The following CFAP57 variants were observed in gnomAD, a reference collection of about 807,000 sequenced individuals.
CFAP57 encodes the protein cilia- and flagella-associated protein 57.
Under a neutral mutation model 146.8 loss-of-function variants are expected in CFAP57, and 116 were observed. That is an observed-to-expected ratio of 0.79 (90% CI 0.68 to 0.92). The LOEUF is 0.92. Among genes scored for constraint, CFAP57 ranks in the 40% least tolerant of loss-of-function variants. The pLI, the probability that CFAP57 is intolerant of heterozygous loss-of-function variation, is 0.00. For synonymous variants in CFAP57, 518 were observed against 552.8 expected, an observed-to-expected ratio of 0.94 and a Z score of 0.88; for missense variants, 1,377 against 1,527.2, an observed-to-expected ratio of 0.90 and a Z score of 1.64.
At chr1:43,249,421 C>CTTTTTT (rs60189164) in intron 22 of CFAP57, among the ~76,000 whole-genome samples, 11 of 67,924 alleles carry the variant, frequency 1.6e-4, no homozygotes, top group Admixed American at 1.7e-4. Context: ...TTAACCATTT[C>CTTTTTT]TTTTTTTTTT....
intron 2 of CFAP57, among the ~76,000 whole-genome samples, chr1:43,176,428 T>C (rs1323191058): frequency 1.3e-5 from 2 of 152,162 alleles, no homozygotes; most frequent in Non-Finnish European, 2.9e-5. Flanking sequence ...GGTCATGACA[T>C]TGGGAGACCT....
At chr1:43,197,508 C>G in intron 6 of CFAP57, 45 bp from the exon 7 acceptor site, 1 of 1,614,096 alleles carries the variant, frequency 6.2e-7, no homozygotes, top group Non-Finnish European at 8.5e-7. Context: ...GTACAGCCAG[C>G]CTTTTGCTTA....
chr1:43,191,420 T>C (rs538356906), intron 6 of CFAP57, among the ~76,000 whole-genome samples: 1 of 152,114 alleles, frequency 6.6e-6, no homozygotes, highest in East Asian at 1.9e-4. Context: ...ACCCCGTCTC[T>C]ACTAAAAATA....
At position 43,172,381 on chromosome 1, in the gene CFAP57, G is replaced by A; in HGVS notation, c.-92G>A. 2 of 1,551,554 alleles carry A rather than the reference G, an allele frequency of 1.3e-6. No homozygotes were observed. Among genetic ancestry groups the A allele is most frequent in the African/African-American group, 1.4e-5 (1 of 73,088 alleles). ...ACCGCTACGGCGTTTGAAAGTGTCC[G>A]GGTTGCTTAGGATCCCTACAGGTAG... On this transcript the variant is annotated 5_prime_UTR_variant, in exon 1 of 23. Coordinates refer to ENST00000372492, the MANE Select transcript of CFAP57 (RefSeq NM_001378189.1).
At chr1:43,202,906 G>A (rs1398209851) in intron 9 of CFAP57, among the ~76,000 whole-genome samples, 1 of 151,946 alleles carries the variant, frequency 6.6e-6, no homozygotes, top group African/African-American at 2.4e-5. Context: ...GGGCGCAGTG[G>A]CTCACACCTG....
rs1055298503 is a variant in CFAP57 at position 43,178,102 on chromosome 1, C to T, written c.158-3432C>T. 5.9e-5 allele frequency among the ~76,000 whole-genome samples: 9 copies of T among 152,090 alleles called. No individual in the cohort carries two copies. The East Asian group carries it at 7.7e-4, about 13-fold the overall frequency. ...CTAGCCATATGTAGAAAGCTGAAAC[C>T]GGATCCCTTCCTTACACCTTATACA... On this transcript the variant is annotated intron_variant, in intron 2 of 22. Transcript: ENST00000372492.
At chr1:43,192,429 C>T (rs899814106) in intron 6 of CFAP57, among the ~76,000 whole-genome samples, 9 of 152,228 alleles carry the variant, frequency 5.9e-5, no homozygotes, top group African/African-American at 1.7e-4. Flanking sequence ...CATGACCAGC[C>T]TGATCAACAT....
rs760775161 is a variant in CFAP57, at chr1:43,219,538, G to T, written c.2247+1G>T. On this transcript the variant is annotated splice_donor_variant, in intron 13 of 22. Coordinates refer to ENST00000372492, the MANE Select transcript of CFAP57 (RefSeq NM_001378189.1). LOFTEE classifies it high-confidence loss of function. ...GGAGTCCTTGAAAACAAAAAACCAG[G>T]TCTGTTTAAGAGACTGACCAACAAG... 3 of 1,550,244 alleles carry T rather than the reference G, an allele frequency of 1.9e-6. No homozygotes were observed. Among genetic ancestry groups the T allele is most frequent in the South Asian group, 1.2e-5 (1 of 84,038 alleles).
At chr1:43,192,873 G>A (rs189710021) in intron 6 of CFAP57, among the ~76,000 whole-genome samples, 1 of 151,984 alleles carries the variant, frequency 6.6e-6, no homozygotes, top group Non-Finnish European at 1.5e-5. Flanking sequence ...GTTGCGGTGA[G>A]CCGAGATCAT....
At chr1:43,220,659 G>A (rs1645008065) in intron 13 of CFAP57, among the ~76,000 whole-genome samples, 1 of 152,138 alleles carries the variant, frequency 6.6e-6, no homozygotes, top group African/African-American at 2.4e-5. Context: ...GGGAGGTGGG[G>A]ACTGTAGTGA....
chr1:43,206,375 T>C (rs1466205194), intron 9 of CFAP57: 2 of 255,628 alleles, frequency 7.8e-6, no homozygotes, highest in Non-Finnish European at 1.6e-5. Context: ...ACTCTCTCTG[T>C]GCTATTTTTG....
At position 43,254,246 on chromosome 1, in the gene CFAP57, C is replaced by T; in HGVS notation, c.*55C>T. ...GCCAGAAGAAACACAGCATGTCTGT[C>T]CCCAAGCCAGACTTGCGGTTGGAGT... is the stretch of plus-strand genomic sequence containing the variant. On this transcript the variant is annotated 3_prime_UTR_variant, in exon 23 of 23. Transcript: ENST00000372492. The T allele has an allele frequency of 2.0e-6, 3 of 1,468,758 alleles. No homozygotes were observed. The highest frequency in any genetic ancestry group is 1.3e-5 in the South Asian group (1 of 75,058). 91.0% of individuals were successfully genotyped at this position (1,468,758 alleles called of 1,614,324 possible).
At chr1:43,185,085 C>A in intron 4 of CFAP57, 64 bp from the exon 5 acceptor site, 1 of 1,561,734 alleles carries the variant, frequency 6.4e-7, no homozygotes, top group Non-Finnish European at 8.8e-7. Context: ...TTTCTCCTCC[C>A]CAGCAGAATT....
chr1:43,244,302 T>TAC (rs1385695923), intron 22 of CFAP57, among the ~76,000 whole-genome samples: 1 of 152,180 alleles, frequency 6.6e-6, no homozygotes, highest in Admixed American at 6.5e-5. Flanking sequence ...GGATTGGGTC[T>TAC]CTGAAGTGTC....
At chr1:43,240,581 C>A (rs1307453567) in intron 21 of CFAP57, among the ~76,000 whole-genome samples, 1 of 152,132 alleles carries the variant, frequency 6.6e-6, no homozygotes, top group African/African-American at 2.4e-5. Flanking sequence ...TTCAGAAACA[C>A]AAGTACAAAT....
chr1:43,233,199 G>A (rs1645543553), intron 19 of CFAP57, among the ~76,000 whole-genome samples: 1 of 152,172 alleles, frequency 6.6e-6, no homozygotes, highest in South Asian at 2.1e-4. Context: ...GAATAAGATT[G>A]GAACTTTCCG....
Position 43,222,934 on chromosome 1 carries a change from G to T in CFAP57, c.2643G>T (p.Lys881Asn). The T allele has an allele frequency of 6.4e-7, 1 of 1,550,488 alleles. No homozygotes were observed. The highest frequency in any genetic ancestry group is 8.7e-7 in the Non-Finnish European group (1 of 1,146,920). Residue 881 changes from lysine (K) to asparagine (N), a missense_variant, in exon 16 of 23, where the codon AAG becomes AAT. Physicochemically the swap from Lys to Asn is moderately conservative, Grantham distance 94. Transcript: ENST00000372492. ...ATATCAAAACCAAGTATGAGAAAAAGCTTCGGGATGAAAAGGAATCAAACC... is the reference window on the plus strand; with the variant it reads ...ATATCAAAACCAAGTATGAGAAAAATCTTCGGGATGAAAAGGAATCAAACC... ...IQDIKTKYEK[K>N]LRDEKESNLR...
chr1:43,251,077 G>C (rs1646312379), intron 22 of CFAP57, among the ~76,000 whole-genome samples: 1 of 152,178 alleles, frequency 6.6e-6, no homozygotes. Flanking sequence ...GTGGGCAGCT[G>C]CTTAGGAGGG....
intron 21 of CFAP57, among the ~76,000 whole-genome samples, chr1:43,236,568 T>C (rs1170500982): frequency 9.5e-6 from 1 of 104,928 alleles, no homozygotes; most frequent in African/African-American, 3.8e-5. Flanking sequence ...CACTAGGCAC[T>C]GGCCTGGTAC....
Sources: allele counts gnomAD v4.1 joint callset (sites outside exome capture counted in the v4.1 genomes callset), GRCh38; gene constraint gnomAD v4.1.1; transcripts MANE v1.5; gene names NCBI Gene and HGNC (gene_info 2026-07-23, HGNC 2026-07-21).